Variants in RAB11FIP1 observed in about 807,000 individuals in gnomAD.
RAB11FIP1 encodes rab11 family-interacting protein 1.
RAB11FIP1 carries 49 observed loss-of-function variants against 83.1 expected under a neutral mutation model. The ratio of observed to expected loss-of-function variants is 0.59; its 90% CI spans 0.47 to 0.75. The LOEUF is 0.75. Among genes scored for constraint, RAB11FIP1 ranks in the 30% least tolerant of loss-of-function variants. The probability of loss-of-function intolerance (pLI) is 0.00; values close to 1 mark genes in which losing one functional copy is unlikely to be tolerated. For missense variants in RAB11FIP1, 1,536 were observed against 1,598.7 expected (o/e 0.96, Z 0.67); for synonymous variants, 670 against 656.0 (o/e 1.02, Z -0.33).
In RAB11FIP1 at chr8:37,863,105, G is replaced by A; in HGVS notation, c.3642C>T (p.Ser1214=). The A allele has an allele frequency of 1.9e-6, 3 of 1,610,544 alleles. No homozygotes were observed. The highest frequency in any genetic ancestry group is 2.5e-6 in the Non-Finnish European group (3 of 1,178,962). ...CATATGCAAATGCAGGGTCCGAGGG[G>A]CTGTATTTCTTTGGAGGGGGGGAAA... The part of the protein sequence containing the change: ...LNNEVMMKKY[S]PSDPAFAYAQ... Residue 1214 remains serine (S), a synonymous_variant, in exon 6 of 6, where the codon AGC becomes AGT. Coordinates refer to ENST00000330843, the MANE Select transcript of RAB11FIP1 (RefSeq NM_001002814.3).
At chr8:37,878,708 G>C (rs77370211) in intron 1 of RAB11FIP1, among the ~76,000 whole-genome samples, 2 of 147,350 alleles carry the variant, frequency 1.4e-5, no homozygotes, top group African/African-American at 2.5e-5. Flanking sequence ...AAAAAAAAAA[G>C]TGGGGAGGGG....
At position 37,862,819 on chromosome 8, in the gene RAB11FIP1, G is replaced by A; in HGVS notation, c.*76C>T. ...TCGGAGCCTGCTGGCTGGTTATCAGGCAAGGCAAGTCCTTGACCCCTGGAG... is the reference window on the plus strand; with the variant it reads ...TCGGAGCCTGCTGGCTGGTTATCAGACAAGGCAAGTCCTTGACCCCTGGAG... On this transcript the variant is annotated 3_prime_UTR_variant, in exon 6 of 6. Transcript: ENST00000330843. 2 of 1,180,164 alleles carry A rather than the reference G, an allele frequency of 1.7e-6. No homozygotes were observed. The allele number at this position is 1,180,164 out of a possible 1,614,324, so 73.1% of individuals were successfully genotyped here.
Position 37,883,033 on chromosome 8 carries a change from G to T in RAB11FIP1, c.372-5482C>A, listed in dbSNP as rs372702388. Reference sequence around the variant, plus strand: ...CCAGGTAGCCAGGCACCAGCCACGGGGCTATTGAAGGATATGAAACAGGCT... The same window carrying T: ...CCAGGTAGCCAGGCACCAGCCACGGTGCTATTGAAGGATATGAAACAGGCT... On this transcript the variant is annotated intron_variant, in intron 1 of 5. Coordinates refer to ENST00000330843, the MANE Select transcript of RAB11FIP1 (RefSeq NM_001002814.3). 5.9e-5 allele frequency among the ~76,000 whole-genome samples: 9 copies of T among 152,286 alleles called. No homozygotes were observed. The South Asian group carries it at 1.9e-3, about 32-fold the overall frequency.
intron 1 of RAB11FIP1, among the ~76,000 whole-genome samples, chr8:37,887,488 G>A (rs1806857033): frequency 1.3e-5 from 2 of 148,328 alleles, no homozygotes; most frequent in South Asian, 2.1e-4. Context: ...CCAAGATCGC[G>A]CCACGGCACT....
At position 37,899,370 on chromosome 8, in the gene RAB11FIP1, C is replaced by A; in HGVS notation, c.72G>T (p.Val24=). ...VWSPTHVQVT[V]LQARGLRAKG... is the part of the protein sequence containing the mutation. ...TGGCCCGCAGGCCCCGCGCCTGCAG[C>A]ACCGTCACCTGCACGTGGGTTGGGG... Residue 24 remains valine, a synonymous_variant, in exon 1 of 6, where the codon GTG becomes GTT. Transcript: ENST00000330843. The surrounding 1 kb of genome is among the most constrained non-coding windows in gnomAD (Gnocchi z 4.5). 6.2e-7 allele frequency: 1 copy of A among 1,604,618 alleles called. No individual in the cohort carries two copies. The highest frequency in any genetic ancestry group is 1.4e-5 in the African/African-American group (1 of 73,672).
At position 37,861,550 on chromosome 8, in the gene RAB11FIP1, T is replaced by C. The variant is rs1164258510; in HGVS notation, c.*1345A>G. 4.5e-6 allele frequency: 2 copies of C among 442,098 alleles called. No homozygotes were observed. The highest frequency in any genetic ancestry group is 8.9e-6 in the Non-Finnish European group (2 of 223,630). 27.4% of individuals were successfully genotyped at this position (442,098 alleles called of 1,614,324 possible). The stretch of plus-strand genomic sequence containing the variant: ...CTGTAGAGTGAAGGGGCTTCTTTTT[T>C]TCTTTTTAGTTTTTTTTAAGACAGA... On this transcript the variant is annotated 3_prime_UTR_variant, in exon 6 of 6. Coordinates refer to ENST00000330843, the MANE Select transcript of RAB11FIP1 (RefSeq NM_001002814.3).
intron 1 of RAB11FIP1, among the ~76,000 whole-genome samples, chr8:37,890,937 C>A (rs1281187297): frequency 6.6e-6 from 1 of 152,206 alleles, no homozygotes; most frequent in African/African-American, 2.4e-5. Flanking sequence ...TTCACCCAGG[C>A]AATCTACTGC....
chr8:37,899,349 C>T lies in RAB11FIP1; in HGVS notation c.93G>A (p.Arg31=). Residue 31 remains arginine, a synonymous_variant, in exon 1 of 6, where the codon CGG becomes CGA. Coordinates refer to ENST00000330843, the MANE Select transcript of RAB11FIP1 (RefSeq NM_001002814.3). This position sits in a 1 kb window ranked among gnomAD's most constrained non-coding sequence, Gnocchi z 4.5. The part of the protein sequence containing the change: ...QVTVLQARGL[R]AKGPGGTSDA... The stretch of plus-strand genomic sequence containing the variant: ...CGCTCGTGCCCCCGGGGCCCTTGGC[C>T]CGCAGGCCCCGCGCCTGCAGCACCG... The T allele has an allele frequency of 1.2e-6, 2 of 1,607,352 alleles. No homozygotes were observed. The highest frequency in any genetic ancestry group is 1.7e-6 in the Non-Finnish European group (2 of 1,177,668).
In RAB11FIP1 at chr8:37,859,445, T is replaced by C. The variant is rs1806192544; in HGVS notation, c.*3450A>G. ...ACCGGCATGTGCACACACACCTGTA[T>C]CTCCTTCATACAGGCATATGCAGAG... is the stretch of plus-strand genomic sequence containing the variant. On this transcript the variant is annotated 3_prime_UTR_variant, in exon 6 of 6. Coordinates refer to ENST00000330843, the MANE Select transcript of RAB11FIP1 (RefSeq NM_001002814.3). 1 of 152,134 alleles carries C rather than the reference T, an allele frequency of 6.6e-6. No homozygotes were observed. The highest frequency in any genetic ancestry group is 2.4e-5 in the African/African-American group (1 of 41,418). The allele number at this position is 152,134 out of a possible 1,614,324, so 9.4% of individuals were successfully genotyped here.
Position 37,873,943 on chromosome 8 carries a change from G to A in RAB11FIP1, c.1622+572C>T, listed in dbSNP as rs139945335. Among the ~76,000 whole-genome samples, 182 of 152,030 alleles carry A rather than the reference G, an allele frequency of 1.2e-3. 1 individual carries two copies. The highest frequency in any genetic ancestry group is 3.9e-3 in the African/African-American group (163 of 41,466). ...AAAAAAAAATCTCACTCCCCAGACC[G>A]CAGAAATATTGTCAGTATGAATGTG... On this transcript the variant is annotated intron_variant, in intron 3 of 5. Transcript: ENST00000330843.
chr8:37,873,088 C>G lies in RAB11FIP1; in HGVS notation c.1714G>C (p.Gly572Arg). Residue 572 changes from glycine to arginine, a missense_variant, in exon 4 of 6, where the codon GGC (glycine) becomes CGC (arginine). Physicochemically the swap from Gly to Arg is moderately radical, Grantham distance 125 (BLOSUM62 -2). Coordinates refer to ENST00000330843, the MANE Select transcript of RAB11FIP1 (RefSeq NM_001002814.3). Reference sequence around the variant, plus strand: ...AATTCAGAGGGGACAGATGCCTGGCCAGAGCTAGAAGGAAGAGGAGGAAGA... The same window carrying G: ...AATTCAGAGGGGACAGATGCCTGGCGAGAGCTAGAAGGAAGAGGAGGAAGA... ...SSLPPLPSSSGQASVPSELGH... is the reference protein window; with the variant it reads ...SSLPPLPSSSRQASVPSELGH... The G allele has an allele frequency of 1.9e-6, 3 of 1,613,986 alleles. No individual in the cohort carries two copies. The highest frequency in any genetic ancestry group is 2.5e-6 in the Non-Finnish European group (3 of 1,180,026).
chr8:37,872,541 C>T lies in RAB11FIP1; in HGVS notation c.2261G>A (p.Ser754Asn), dbSNP rs764897907. ...LAAGGDRDLE[S>N]QAGSLVESKA... ...GCTCTCCACAAGAGACCCAGCCTGA[C>T]TCTCCAAGTCTCTGTCTCCTCCTGC... is the stretch of plus-strand genomic sequence containing the variant. The change falls in exon 4 of 6, where the codon AGT (serine) becomes AAT (asparagine). Residue 754 changes from serine to asparagine, a missense_variant. Transcript: ENST00000330843. 45 of 1,614,258 alleles carry T rather than the reference C, an allele frequency of 2.8e-5. No individual in the cohort carries two copies. The highest frequency in any genetic ancestry group is 3.8e-5 in the Non-Finnish European group (45 of 1,180,050).
intron 1 of RAB11FIP1, among the ~76,000 whole-genome samples, chr8:37,882,542 T>C (rs1203862800): frequency 6.6e-6 from 1 of 152,258 alleles, no homozygotes; most frequent in Non-Finnish European, 1.5e-5. Context: ...TGAATAAGCA[T>C]AGTGCCTAGA....
chr8:37,883,955 C>T (rs1053176842), intron 1 of RAB11FIP1, among the ~76,000 whole-genome samples: 1 of 152,154 alleles, frequency 6.6e-6, no homozygotes, highest in Non-Finnish European at 1.5e-5. Flanking sequence ...CAAATGATCC[C>T]TTCAATAAAC....
chr8:37,898,481 C>A (rs141293736), intron 1 of RAB11FIP1, among the ~76,000 whole-genome samples: 1 of 152,016 alleles, frequency 6.6e-6, no homozygotes, highest in Admixed American at 6.6e-5. Context: ...GATGAAACCC[C>A]GTCTCTACTA....
intron 5 of RAB11FIP1, among the ~76,000 whole-genome samples, chr8:37,869,976 A>G (rs1443387939): frequency 6.6e-6 from 1 of 152,194 alleles, no homozygotes; most frequent in Non-Finnish European, 1.5e-5. Flanking sequence ...AGGAAAGGAA[A>G]CATGAGGGAA....
intron 5 of RAB11FIP1, 48 bp downstream of exon 5, chr8:37,870,372 G>A: frequency 1.8e-6 from 2 of 1,095,624 alleles, no homozygotes; most frequent in Non-Finnish European, 2.8e-6. Flanking sequence ...ATGGAAACGG[G>A]TGTTCTGTCA....
In RAB11FIP1 at chr8:37,873,078, G is replaced by C. The variant is rs1425906453; in HGVS notation, c.1724C>G (p.Ser575Cys). The change falls in exon 4 of 6, where the codon TCT (serine) becomes TGT (cysteine). Residue 575 changes from serine (S) to cysteine (C), a missense_variant. By Grantham distance (112) the Ser-to-Cys change is moderately radical. Coordinates refer to ENST00000330843, the MANE Select transcript of RAB11FIP1 (RefSeq NM_001002814.3). ...ACCATGTCCCAATTCAGAGGGGACA[G>C]ATGCCTGGCCAGAGCTAGAAGGAAG... ...PPLPSSSGQA[S>C]VPSELGHGAD... The C allele has an allele frequency of 1.2e-6, 2 of 1,614,038 alleles. No individual in the cohort carries two copies. Among genetic ancestry groups the C allele is most frequent in the Non-Finnish European group, 8.5e-7 (1 of 1,180,026 alleles).
chr8:37,890,118 T>C (rs1806916284), intron 1 of RAB11FIP1, among the ~76,000 whole-genome samples: 1 of 152,210 alleles, frequency 6.6e-6, no homozygotes, highest in Non-Finnish European at 1.5e-5. Flanking sequence ...AACAAATGAT[T>C]AGTAAAAATG....
Sources: allele counts gnomAD v4.1 joint callset (sites outside exome capture counted in the v4.1 genomes callset), GRCh38; gene constraint gnomAD v4.1.1; non-coding constraint Gnocchi (gnomAD v3.1); transcripts MANE v1.5; gene names NCBI Gene and HGNC (gene_info 2026-07-23, HGNC 2026-07-21).